The following ADARB2 variants were observed in gnomAD, a reference collection of about 807,000 sequenced individuals.
ADARB2 encodes the protein inactive double-stranded RNA-specific editase B2.
A neutral mutation model predicts 62.2 loss-of-function variants in ADARB2; 25 were observed. The observed-to-expected ratio is 0.40, with a 90% CI of 0.29 to 0.56. ADARB2 has a LOEUF of 0.56. ADARB2 is among the 20% of genes least tolerant of loss of function. The probability of loss-of-function intolerance (pLI) is 0.43; values close to 1 mark genes in which losing one functional copy is unlikely to be tolerated. For synonymous variants in ADARB2, 572 were observed against 500.8 expected, an observed-to-expected ratio of 1.14 and a Z score of -1.90; for missense variants, 1,071 against 1,077.4, an observed-to-expected ratio of 0.99 and a Z score of 0.08.
At chr10:1,433,522 T>C (rs543952109) in intron 1 of ADARB2, among the ~76,000 whole-genome samples, 12 of 152,294 alleles carry the variant, frequency 7.9e-5, no homozygotes, top group African/African-American at 2.6e-4. Flanking sequence ...GCTTCCCAGA[T>C]GCGGACGTTC....
chr10:1,499,281 T>TTATC (rs1831732786), intron 1 of ADARB2, among the ~76,000 whole-genome samples: 2 of 151,998 alleles, frequency 1.3e-5, no homozygotes, highest in South Asian at 2.1e-4. Flanking sequence ...TCACACTCAC[T>TTATC]TATCACTCAA....
chr10:1,532,624 A>G (rs1027960480), intron 1 of ADARB2, among the ~76,000 whole-genome samples: 2 of 152,162 alleles, frequency 1.3e-5, no homozygotes, highest in African/African-American at 4.8e-5. Flanking sequence ...GCAGCTGTCC[A>G]CTGCGTGCAG....
rs1830736365 is a variant in ADARB2 at position 1,428,394 on chromosome 10, C to A, written c.101-49234G>T. On this transcript the variant is annotated intron_variant, in intron 1 of 9. Transcript: ENST00000381312. ...CTCCGCCTCCCAGGTTCACGCCATT[C>A]TCTTGCCTCAGCCTCCAGAGTAGCT... is the stretch of plus-strand genomic sequence containing the variant. 4.6e-5 allele frequency among the ~76,000 whole-genome samples: 7 copies of A among 151,846 alleles called. No homozygotes were observed. The South Asian group carries it at 1.5e-3, about 32-fold the overall frequency.
chr10:1,582,869 C>G (rs1361490843), intron 1 of ADARB2, among the ~76,000 whole-genome samples: 1 of 152,208 alleles, frequency 6.6e-6, no homozygotes, highest in Non-Finnish European at 1.5e-5. Context: ...CATGGTGCCT[C>G]TGCTCAGACC....
intron 1 of ADARB2, among the ~76,000 whole-genome samples, chr10:1,592,175 T>A (rs980799270): frequency 6.6e-6 from 1 of 152,158 alleles, no homozygotes; most frequent in Non-Finnish European, 1.5e-5. Context: ...TTGATGACAA[T>A]AATAAGCTCA....
chr10:1,195,718 G>A (rs1408316989), intron 8 of ADARB2, among the ~76,000 whole-genome samples: 3 of 152,248 alleles, frequency 2.0e-5, no homozygotes, highest in Non-Finnish European at 2.9e-5. Flanking sequence ...CTCTTAGCCC[G>A]AGGCTTCTGA....
At chr10:1,682,766 G>A (rs960152136) in intron 1 of ADARB2, among the ~76,000 whole-genome samples, 2 of 152,222 alleles carry the variant, frequency 1.3e-5, no homozygotes, top group Non-Finnish European at 2.9e-5. Flanking sequence ...GTGACTGTAA[G>A]AAATTTAAAT....
At chr10:1,524,660 A>T (rs374078183) in intron 1 of ADARB2, among the ~76,000 whole-genome samples, 6 of 152,186 alleles carry the variant, frequency 3.9e-5, no homozygotes, top group African/African-American at 1.4e-4. Context: ...CACTTTCCTC[A>T]TCTCCACCTT....
intron 1 of ADARB2, among the ~76,000 whole-genome samples, chr10:1,515,302 G>C (rs997187233): frequency 2.0e-5 from 3 of 152,206 alleles, no homozygotes; most frequent in African/African-American, 7.2e-5. Context: ...CTGGGAACCT[G>C]GTGCCCGTTG....
chr10:1,620,410 G>A (rs551868276), intron 1 of ADARB2, among the ~76,000 whole-genome samples: 7 of 152,070 alleles, frequency 4.6e-5, no homozygotes, highest in South Asian at 2.1e-4. Flanking sequence ...CTGGAAATGC[G>A]CAGATTTCCA....
chr10:1,537,876 C>T (rs971778256), intron 1 of ADARB2, among the ~76,000 whole-genome samples: 5 of 152,170 alleles, frequency 3.3e-5, no homozygotes, highest in Non-Finnish European at 7.3e-5. Flanking sequence ...GGTCTTAAAA[C>T]CTAGATGACA....
intron 1 of ADARB2, among the ~76,000 whole-genome samples, chr10:1,461,995 C>A (rs1461546375): frequency 6.6e-6 from 1 of 152,102 alleles, no homozygotes; most frequent in African/African-American, 2.4e-5. Context: ...GAGTGAGACT[C>A]CATCTCAAAA....
chr10:1,696,266 GCCTGTT>G (rs386739886), intron 1 of ADARB2, among the ~76,000 whole-genome samples: 1 of 126,022 alleles, frequency 7.9e-6, no homozygotes, highest in South Asian at 2.3e-4. Context: ...TTGTGTATGT[GCCTGTT>G]TGTGTGTATG....
chr10:1,658,201 T>C (rs1834197064), intron 1 of ADARB2, among the ~76,000 whole-genome samples: 1 of 151,964 alleles, frequency 6.6e-6, no homozygotes, highest in South Asian at 2.1e-4. Context: ...TGATTGTCTT[T>C]TTCTGTCTCT....
chr10:1,594,163 G>A lies in ADARB2; in HGVS notation c.100+142888C>T, dbSNP rs983044995. ...AAATTAGCCAGGCATGGTGGCGGGC[G>A]CCTGTAATCCCAGCTACTCGGGAGG... On this transcript the variant is annotated intron_variant, in intron 1 of 9. Coordinates refer to ENST00000381312, the MANE Select transcript of ADARB2 (RefSeq NM_018702.4). 4.7e-4 allele frequency among the ~76,000 whole-genome samples: 72 copies of A among 152,210 alleles called. 1 individual carries two copies. The highest frequency in any genetic ancestry group is 3.4e-3 in the Middle Eastern group (1 of 294).
At chr10:1,478,175 G>C (rs1347785016) in intron 1 of ADARB2, among the ~76,000 whole-genome samples, 1 of 152,228 alleles carries the variant, frequency 6.6e-6, no homozygotes, top group Non-Finnish European at 1.5e-5. Flanking sequence ...ACAGTGTGCA[G>C]TGTCTTAGGA....
intron 1 of ADARB2, among the ~76,000 whole-genome samples, chr10:1,421,393 G>C (rs560847979): frequency 6.6e-6 from 1 of 152,124 alleles, no homozygotes; most frequent in South Asian, 2.1e-4. Context: ...CGATTTCACA[G>C]AAGTCACTAA....
rs1242544232 is a variant in ADARB2, at chr10:1,234,021, A to G, written c.1362-176T>C. 2.4e-5 allele frequency among the ~76,000 whole-genome samples: 3 copies of G among 126,042 alleles called. No homozygotes were observed. In the East Asian group the frequency reaches 7.1e-4, roughly 30 times the overall value. The allele number at this position is 126,042 out of a possible 152,430, so 82.7% of individuals were successfully genotyped here. A position where few individuals can be genotyped will look rare whatever the true frequency, so the allele number is the denominator to read the frequency against. On this transcript the variant is annotated intron_variant, in intron 5 of 9. Transcript: ENST00000381312. ...AGTCTTGTTCTGTCACCCAGGCTGG[A>G]GTGCAATGGTGCCATATTTGCTCAC...
chr10:1,471,136 G>T (rs577302468), intron 1 of ADARB2, among the ~76,000 whole-genome samples: 96 of 152,326 alleles, frequency 6.3e-4, no homozygotes, highest in African/African-American at 2.3e-3. Flanking sequence ...TCCCACAGGG[G>T]TGGTTTTTTC....
Sources: allele counts gnomAD v4.1 joint callset (sites outside exome capture counted in the v4.1 genomes callset), GRCh38; gene constraint gnomAD v4.1.1; transcripts MANE v1.5; gene names NCBI Gene and HGNC (gene_info 2026-07-23, HGNC 2026-07-21).